TMEM232: variants seen among roughly 807,000 people sequenced by gnomAD.
TMEM232 encodes the protein transmembrane protein 232.
TMEM232 carries 80 observed loss-of-function variants against 78.8 expected under a neutral mutation model. The observed-to-expected ratio is 1.01, with a 90% CI of 0.85 to 1.22. The LOEUF (loss-of-function observed/expected upper bound fraction) is 1.22, where lower values mean the gene tolerates loss of function less well. Among genes scored for constraint, TMEM232 ranks in the 50% most tolerant of loss-of-function variants. The probability of loss-of-function intolerance (pLI) is 0.00; values close to 1 mark genes in which losing one functional copy is unlikely to be tolerated. For synonymous variants in TMEM232, 297 were observed against 254.3 expected (o/e 1.17, Z -1.60); for missense variants, 881 against 742.2 (o/e 1.19, Z -2.17).
intron 5 of TMEM232, among the ~76,000 whole-genome samples, chr5:110,628,394 T>C (rs1372156473): frequency 2.0e-5 from 3 of 152,104 alleles, no homozygotes; most frequent in Non-Finnish European, 4.4e-5. Context: ...TACTTCTGCA[T>C]AGCATGCTGT....
intron 8 of TMEM232, among the ~76,000 whole-genome samples, chr5:110,616,683 C>G (rs1275194775): frequency 6.6e-6 from 1 of 151,918 alleles, no homozygotes; most frequent in Non-Finnish European, 1.5e-5. Context: ...ATACTAATGG[C>G]CAACAGACAT....
chr5:110,402,923 AAATGACCACT>A (rs1281052370), intron 2 of TMEM232, among the ~76,000 whole-genome samples: 1 of 152,144 alleles, frequency 6.6e-6, no homozygotes, highest in East Asian at 1.9e-4. Context: ...AAGAGACAGC[AAATGACCACT>A]ACAGAAGCTG....
At chr5:110,602,450 G>GA (rs538342548) in intron 10 of TMEM232, among the ~76,000 whole-genome samples, 2,210 of 149,550 alleles carry the variant, frequency 0.015, 39 homozygotes, top group African/African-American at 0.036. Context: ...AAATTTACAA[G>GA]AAAAAAAAAC....
chr5:110,612,967 A>G (rs559632441), intron 8 of TMEM232, among the ~76,000 whole-genome samples: 3 of 152,176 alleles, frequency 2.0e-5, no homozygotes, highest in African/African-American at 7.2e-5. Context: ...ATAAAATTTA[A>G]CTGCGTTAAG....
intron 1 of TMEM232, among the ~76,000 whole-genome samples, chr5:110,689,455 T>C (rs533815712): frequency 9.2e-5 from 14 of 152,222 alleles, no homozygotes; most frequent in African/African-American, 2.9e-4. Flanking sequence ...AAAACACTAA[T>C]ATTCAAAATA....
Position 110,421,779 on chromosome 5 carries a change from A to C in TMEM232, c.1798-1023T>G, listed in dbSNP as rs1481175677. On this transcript the variant is annotated intron_variant, in intron 13 of 13. Transcript: ENST00000455884. ...CATGTCACTCAGCTTTGACGAATGCATTAAAATTGTGTATAATGTTAATAT... is the reference window on the plus strand; with the variant it reads ...CATGTCACTCAGCTTTGACGAATGCCTTAAAATTGTGTATAATGTTAATAT... 3.3e-5 allele frequency among the ~76,000 whole-genome samples: 5 copies of C among 152,194 alleles called. No individual in the cohort carries two copies. The East Asian group carries it at 7.7e-4, about 23-fold the overall frequency.
chr5:110,462,130 T>C (rs1045417129), intron 12 of TMEM232, among the ~76,000 whole-genome samples: 4 of 152,188 alleles, frequency 2.6e-5, no homozygotes, highest in Admixed American at 6.5e-5. Flanking sequence ...GCAAGGTAAA[T>C]TGAAACCATT....
intron 2 of TMEM232, among the ~76,000 whole-genome samples, chr5:110,732,559 C>A (rs1048692352): frequency 1.3e-5 from 2 of 152,120 alleles, no homozygotes; most frequent in Non-Finnish European, 2.9e-5. Context: ...AAAGCGGAAA[C>A]CCCTGATAAG....
chr5:110,564,279 C>T (rs115113433), intron 11 of TMEM232, among the ~76,000 whole-genome samples: 2,952 of 151,306 alleles, frequency 0.02, 89 homozygotes, highest in African/African-American at 0.068. Flanking sequence ...CAAAATAAGA[C>T]GTAAGAAAAA....
intron 10 of TMEM232, among the ~76,000 whole-genome samples, chr5:110,586,771 C>G (rs984525367): frequency 6.6e-6 from 1 of 152,006 alleles, no homozygotes; most frequent in Non-Finnish European, 1.5e-5. Context: ...GGTAGACTTA[C>G]AAAAATAATA....
At chr5:110,515,656 C>A (rs140789934) in intron 12 of TMEM232, among the ~76,000 whole-genome samples, 2 of 152,174 alleles carry the variant, frequency 1.3e-5, no homozygotes, top group Non-Finnish European at 2.9e-5. Flanking sequence ...GACTTCTAAG[C>A]CTCTCCAGTA....
intron 10 of TMEM232, among the ~76,000 whole-genome samples, chr5:110,571,877 G>A (rs892064125): frequency 1.3e-5 from 2 of 151,914 alleles, no homozygotes; most frequent in Admixed American, 1.3e-4. Flanking sequence ...AATCGTAGAT[G>A]TTTGAGGAAG....
At chr5:110,595,738 A>C (rs1243828127) in intron 10 of TMEM232, among the ~76,000 whole-genome samples, 1 of 152,164 alleles carries the variant, frequency 6.6e-6, no homozygotes, top group Non-Finnish European at 1.5e-5. Context: ...AAAGAATGAA[A>C]AGGAATGAAC....
chr5:110,586,030 CT>C (rs1422414560), intron 10 of TMEM232, among the ~76,000 whole-genome samples: 1 of 152,064 alleles, frequency 6.6e-6, no homozygotes, highest in Non-Finnish European at 1.5e-5. Flanking sequence ...TGGCATACAG[CT>C]TAATCACAGG....
chr5:110,735,515 C>T (rs139106145), intron 1 of TMEM232, among the ~76,000 whole-genome samples: 3 of 152,182 alleles, frequency 2.0e-5, no homozygotes, highest in East Asian at 1.9e-4. Context: ...ATATCCTCCA[C>T]CCATTAATTG....
intron 12 of TMEM232, among the ~76,000 whole-genome samples, chr5:110,455,756 A>T (rs1487436945): frequency 6.6e-6 from 1 of 152,216 alleles, no homozygotes; most frequent in African/African-American, 2.4e-5. Context: ...ATAACAAATT[A>T]TGAGCAAGTG....
intron 1 of TMEM232, among the ~76,000 whole-genome samples, chr5:110,674,236 C>A: frequency 6.6e-6 from 1 of 151,772 alleles, no homozygotes; most frequent in Admixed American, 6.6e-5. Flanking sequence ...CTTTCTTGGT[C>A]AAGAAAAAAC....
At chr5:110,559,303 T>C (rs915185031) in intron 11 of TMEM232, among the ~76,000 whole-genome samples, 2 of 152,096 alleles carry the variant, frequency 1.3e-5, no homozygotes, top group Non-Finnish European at 2.9e-5. Context: ...TTAAATAGTA[T>C]ACAAGTAAAC....
intron 12 of TMEM232, among the ~76,000 whole-genome samples, chr5:110,524,397 AAGAAAGAAAGAAAG>A (rs1381344977): frequency 4.3e-5 from 3 of 70,442 alleles, no homozygotes; most frequent in Non-Finnish European, 7.8e-5. Flanking sequence ...GAAAGAAAGA[AAGAAAGAAAGAAAG>A]AAAGAAAAGA....
Sources: gnomAD v4.1 joint callset for allele counts (sites outside exome capture counted in the v4.1 genomes callset) on GRCh38, gnomAD v4.1.1 for gene constraint, MANE v1.5 for transcripts, NCBI Gene and HGNC (gene_info 2026-07-23, HGNC 2026-07-21) for gene names.